TBC1D30: variants seen among roughly 807,000 people sequenced by gnomAD.
The protein encoded by TBC1D30 is TBC1 domain family, member 30.
TBC1D30 carries 31 observed loss-of-function variants against 63.2 expected under a neutral mutation model. That is an observed-to-expected ratio of 0.49 (90% CI 0.37 to 0.66). TBC1D30 has a LOEUF of 0.66. Ranked by LOEUF, TBC1D30 falls within the 30% of genes least tolerant of loss-of-function variation. The pLI is 0.00. For synonymous variants in TBC1D30, 307 were observed against 361.5 expected (o/e 0.85, Z 1.71); for missense variants, 810 against 953.6 (o/e 0.85, Z 1.98).
intron 2 of TBC1D30, chr12:64,787,500 A>G (rs1256337413): frequency 2.6e-6 from 1 of 378,528 alleles, no homozygotes; most frequent in Admixed American, 6.4e-5. Flanking sequence ...ACGTAAATTG[A>G]CACCTCCTAG....
chr12:64,796,898 C>T (rs1872308872), intron 2 of TBC1D30, among the ~76,000 whole-genome samples: 1 of 151,962 alleles, frequency 6.6e-6, no homozygotes, highest in African/African-American at 2.4e-5. Context: ...AGAATTGACT[C>T]TTTAATTTGG....
At chr12:64,856,054 CCCTGGCATCTG>C (rs1365977860) in intron 8 of TBC1D30, among the ~76,000 whole-genome samples, 1 of 152,078 alleles carries the variant, frequency 6.6e-6, no homozygotes, top group Non-Finnish European at 1.5e-5. Flanking sequence ...AGCAGCATGA[CCCTGGCATCTG>C]CTTGGCTTCT....
intron 1 of TBC1D30, among the ~76,000 whole-genome samples, chr12:64,775,024 C>G (rs1215512015): frequency 2.0e-5 from 3 of 151,510 alleles, no homozygotes; most frequent in Admixed American, 2.0e-4. Context: ...ACCCAGGAGG[C>G]AGAGGTTGCA....
intron 8 of TBC1D30, among the ~76,000 whole-genome samples, chr12:64,852,817 G>A (rs1442538624): frequency 6.6e-6 from 1 of 152,186 alleles, no homozygotes; most frequent in African/African-American, 2.4e-5. Flanking sequence ...CACCAGTGAA[G>A]GCTACAGAAC....
chr12:64,794,111 T>C (rs1195502569), intron 2 of TBC1D30, among the ~76,000 whole-genome samples: 1 of 152,210 alleles, frequency 6.6e-6, no homozygotes, highest in Non-Finnish European at 1.5e-5. Flanking sequence ...TTGTTGCTCT[T>C]GAGAAGGCTG....
chr12:64,813,256 G>C (rs557765016), intron 2 of TBC1D30, among the ~76,000 whole-genome samples: 1 of 152,062 alleles, frequency 6.6e-6, no homozygotes, highest in Non-Finnish European at 1.5e-5. Flanking sequence ...CGGATGTGGT[G>C]GTGCACGCCT....
chr12:64,796,941 C>T (rs1872311988), intron 2 of TBC1D30, among the ~76,000 whole-genome samples: 1 of 135,232 alleles, frequency 7.4e-6, no homozygotes, highest in Non-Finnish European at 1.5e-5. Flanking sequence ...CCTATGTCAA[C>T]AGCAAAATAT....
At chr12:64,873,568 G>A (rs1878820790) in intron 11 of TBC1D30, among the ~76,000 whole-genome samples, 1 of 152,132 alleles carries the variant, frequency 6.6e-6, no homozygotes, top group African/African-American at 2.4e-5. Context: ...GGGTTGTGAG[G>A]AGCCTGAGGA....
intron 2 of TBC1D30, among the ~76,000 whole-genome samples, chr12:64,811,711 T>C (rs1007006406): frequency 3.3e-5 from 5 of 152,228 alleles, no homozygotes; most frequent in African/African-American, 4.8e-5. Context: ...TGAGATTTTT[T>C]TGTTAACTGG....
upstream of TBC1D30, among the ~76,000 whole-genome samples, chr12:64,780,430 C>A (rs143312959): frequency 6.6e-6 from 1 of 152,224 alleles, no homozygotes; most frequent in South Asian, 2.1e-4. Context: ...AAATCACGTG[C>A]TTAATTAAAA....
rs553232130 is a variant in TBC1D30, at chr12:64,813,034, T to C, written c.644-14801T>C. ...AAAATAAAGAGCAAAGAAGCTTGGG[T>C]GACCTGGCGGCATTGTTGGTAATCT... On this transcript the variant is annotated intron_variant, in intron 2 of 12. Coordinates refer to the TBC1D30 transcript ENST00000542120. Among the ~76,000 whole-genome samples, 6 of 152,248 alleles carry C rather than the reference T, an allele frequency of 3.9e-5. No individual in the cohort carries two copies. In the South Asian group the frequency reaches 6.2e-4, roughly 16 times the overall value.
At position 64,869,200 on chromosome 12, in the gene TBC1D30, T is replaced by C. The variant is rs183120939; in HGVS notation, c.1292-1402T>C. On this transcript the variant is annotated intron_variant, in intron 10 of 11. Transcript: ENST00000539867. ...AAACTGAATAGATGTCAGGCACCTCTGTGTTCTCTTTGCCATCTGCTAACT... is the reference window on the plus strand; with the variant it reads ...AAACTGAATAGATGTCAGGCACCTCCGTGTTCTCTTTGCCATCTGCTAACT... Among the ~76,000 whole-genome samples, 207 of 152,324 alleles carry C rather than the reference T, an allele frequency of 1.4e-3. 4 individuals carry two copies. Among genetic ancestry groups the C allele is most frequent in the Admixed American group, 0.013 (206 of 15,296 alleles).
At chr12:64,830,813 A>G (rs1382165277) in intron 4 of TBC1D30, among the ~76,000 whole-genome samples, 1 of 152,190 alleles carries the variant, frequency 6.6e-6, no homozygotes. Flanking sequence ...TTTTTATATA[A>G]AAGTCACTGA....
In TBC1D30 at chr12:64,869,874, T is replaced by A. The variant is rs187611605; in HGVS notation, c.1292-728T>A. On this transcript the variant is annotated intron_variant, in intron 10 of 11. Coordinates refer to ENST00000539867, the MANE Select transcript of TBC1D30 (RefSeq NM_015279.2). Reference sequence around the variant, plus strand: ...CTCTCAGTCTTTTTTTGACTCTGGCTCCCATGTCAGTTTTACAAATTGTGC... The same window carrying A: ...CTCTCAGTCTTTTTTTGACTCTGGCACCCATGTCAGTTTTACAAATTGTGC... Among the ~76,000 whole-genome samples the A allele has an allele frequency of 1.6e-4, 24 of 152,334 alleles. No homozygotes were observed. The East Asian group carries it at 4.2e-3, about 27-fold the overall frequency.
intron 10 of TBC1D30, among the ~76,000 whole-genome samples, chr12:64,869,301 G>A (rs1342514157): frequency 2.0e-5 from 3 of 152,174 alleles, no homozygotes; most frequent in African/African-American, 7.2e-5. Context: ...AGCAGTGGCA[G>A]CAGCTGCTGC....
At chr12:64,818,443 T>G in intron 2 of TBC1D30, 1 of 975,906 alleles carries the variant, frequency 1.0e-6, no homozygotes, top group Non-Finnish European at 1.2e-6. Flanking sequence ...GTAAACTATT[T>G]TTTTTTTTTT....
At chr12:64,842,196 A>G (rs967631496) in intron 7 of TBC1D30, among the ~76,000 whole-genome samples, 6 of 152,134 alleles carry the variant, frequency 3.9e-5, no homozygotes, top group Admixed American at 1.3e-4. Flanking sequence ...CATCTCTACT[A>G]AAAATACAAA....
chr12:64,842,278 A>G (rs1875949681), intron 7 of TBC1D30, among the ~76,000 whole-genome samples: 1 of 152,130 alleles, frequency 6.6e-6, no homozygotes, highest in Non-Finnish European at 1.5e-5. Flanking sequence ...AGGATTGCTT[A>G]AGCCCAACAG....
intron 2 of TBC1D30, among the ~76,000 whole-genome samples, chr12:64,811,069 T>C (rs953702988): frequency 2.0e-5 from 3 of 152,232 alleles, no homozygotes; most frequent in African/African-American, 4.8e-5. Flanking sequence ...TGGAATCAAG[T>C]TGTATACCAA....
Sources: gnomAD v4.1 joint callset for allele counts (sites outside exome capture counted in the v4.1 genomes callset) on GRCh38, gnomAD v4.1.1 for gene constraint, MANE v1.5 for transcripts, NCBI Gene and HGNC (gene_info 2026-07-23, HGNC 2026-07-21) for gene names.